The following SEMA3B variants were observed in gnomAD, a reference collection of about 807,000 sequenced individuals.
SEMA3B encodes the protein semaphorin 3B, also known as semaphorin-3B.
Under a neutral mutation model 77.8 loss-of-function variants are expected in SEMA3B, and 71 were observed. The ratio of observed to expected loss-of-function variants is 0.91; its 90% CI spans 0.75 to 1.11. The LOEUF (loss-of-function observed/expected upper bound fraction) is 1.11. Among genes scored for constraint, SEMA3B ranks in the 50% most tolerant of loss-of-function variants. SEMA3B has a pLI of 0.00. For missense variants in SEMA3B, 968 were observed against 1,056.8 expected (o/e 0.92, Z 1.17); for synonymous variants, 470 against 452.9 (o/e 1.04, Z -0.48).
chr3:50,275,519 G>A lies in SEMA3B; in HGVS notation c.1650-41G>A. ...GGCGAAGGGTCTTTCACTGCCCGGG[G>A]CTGAAAGAAGGGCTCACAGAAGATC... On this transcript the variant is annotated intron_variant, in intron 14 of 16. Coordinates refer to ENST00000616701, the MANE Select transcript of SEMA3B (RefSeq NM_001290060.2). This position sits in a 1 kb window ranked among gnomAD's most constrained non-coding sequence, Gnocchi z 7.5. 1 of 1,613,374 alleles carries A rather than the reference G, an allele frequency of 6.2e-7. No individual in the cohort carries two copies. Among genetic ancestry groups the A allele is most frequent in the Non-Finnish European group, 8.5e-7 (1 of 1,179,770 alleles).
Position 50,271,194 on chromosome 3 carries a change from G to A in SEMA3B, c.544+13G>A, listed in dbSNP as rs1553705320. The A allele has an allele frequency of 1.3e-6, 2 of 1,560,918 alleles. No individual in the cohort carries two copies. Among genetic ancestry groups the A allele is most frequent in the Non-Finnish European group, 1.7e-6 (2 of 1,152,716 alleles). ...TCCGTGCTGGTGGGTGAGTCCAAGG[G>A]CTAAGGCCCCAAGAGAACCCCTTAG... On this transcript the variant is annotated intron_variant, in intron 5 of 16. Transcript: ENST00000616701.
intron 6 of SEMA3B, 105 bp downstream of exon 6, chr3:50,271,585 A>T: frequency 6.8e-7 from 1 of 1,475,916 alleles, no homozygotes; most frequent in Non-Finnish European, 9.1e-7. Flanking sequence ...GCCAGGTCTT[A>T]CCAAATACCC....
upstream of SEMA3B, among the ~76,000 whole-genome samples, chr3:50,264,523 C>T (rs587669446): frequency 4.5e-4 from 69 of 152,310 alleles, no homozygotes; most frequent in African/African-American, 1.6e-3. Flanking sequence ...GATTCAGCCC[C>T]ACCTCCTGCT....
chr3:50,272,319 A>T (rs1319658686), intron 6 of SEMA3B, among the ~76,000 whole-genome samples: 6 of 152,186 alleles, frequency 3.9e-5, no homozygotes, highest in Admixed American at 3.3e-4. Context: ...TCACACCTGT[A>T]ATCTCAGCAC....
Position 50,273,391 on chromosome 3 carries a change from C to G in SEMA3B, c.758C>G (p.Ala253Gly). 2 of 1,613,882 alleles carry G rather than the reference C, an allele frequency of 1.2e-6. No individual in the cohort carries two copies. Among genetic ancestry groups the G allele is most frequent in the South Asian group, 1.1e-5 (1 of 91,092 alleles). ...YFFFRETAVE[A>G]APALGRLSVS... ...TTCTTTCGTGAGACGGCGGTAGAGG[C>G]GGCGCCGGCACTGGGACGCCTGTCC... Residue 253 changes from alanine to glycine, a missense_variant, in exon 7 of 17, where the codon GCG becomes GGG. Transcript: ENST00000616701. This position sits in a 1 kb window ranked among gnomAD's most constrained non-coding sequence, Gnocchi z 6.5.
Position 50,270,023 on chromosome 3 carries a change from C to A in SEMA3B, c.110-104C>A. The A allele has an allele frequency of 6.3e-6, 8 of 1,271,516 alleles. No homozygotes were observed. In the South Asian group the frequency reaches 7.7e-5, roughly 12 times the overall value. The allele number at this position is 1,271,516 out of a possible 1,614,324, so 78.8% of individuals were successfully genotyped here. A position where few individuals can be genotyped will look rare whatever the true frequency, so the allele number is the denominator to read the frequency against. ...ACATGTAAACTCACATGTGTACAGG[C>A]CAGGTCCTAATGGCAACCTTGGCCG... On this transcript the variant is annotated intron_variant, in intron 1 of 16. Coordinates refer to ENST00000616701, the MANE Select transcript of SEMA3B (RefSeq NM_001290060.2). This position sits in a 1 kb window ranked among gnomAD's most constrained non-coding sequence, Gnocchi z 4.7.
chr3:50,274,367 C>T lies in SEMA3B; in HGVS notation c.1142C>T (p.Pro381Leu). ...RVPYPRPGMCPSKTFGTFSST... is the reference protein window; with the variant it reads ...RVPYPRPGMCLSKTFGTFSST... The stretch of plus-strand genomic sequence containing the variant: ...CTCCCTTTCCCCCACCCCCAGTGCC[C>T]CAGCAAGACCTTTGGCACCTTCAGT... Residue 381 changes from proline to leucine, a missense_variant, in exon 11 of 17, where the codon CCC becomes CTC. Coordinates refer to ENST00000616701, the MANE Select transcript of SEMA3B (RefSeq NM_001290060.2). This position sits in a 1 kb window ranked among gnomAD's most constrained non-coding sequence, Gnocchi z 4.7. 6.7e-7 allele frequency: 1 copy of T among 1,494,488 alleles called. No homozygotes were observed. The highest frequency in any genetic ancestry group is 8.9e-7 in the Non-Finnish European group (1 of 1,123,208). 92.6% of individuals were successfully genotyped at this position (1,494,488 alleles called of 1,614,324 possible).
chr3:50,270,062 C>G lies in SEMA3B; in HGVS notation c.110-65C>G. 6.9e-7 allele frequency: 1 copy of G among 1,459,838 alleles called. No homozygotes were observed. Among genetic ancestry groups the G allele is most frequent in the Non-Finnish European group, 9.1e-7 (1 of 1,103,154 alleles). 90.4% of individuals were successfully genotyped at this position (1,459,838 alleles called of 1,614,324 possible). A position where few individuals can be genotyped will look rare whatever the true frequency, so the allele number is the denominator to read the frequency against. ...CAACCTTGGCCGATAGAGTCACCAC[C>G]AGGCAGGACCTGGGGGAGGCTTCCA... is the stretch of plus-strand genomic sequence containing the variant. On this transcript the variant is annotated intron_variant, in intron 1 of 16. Transcript: ENST00000616701. This position sits in a 1 kb window ranked among gnomAD's most constrained non-coding sequence, Gnocchi z 4.7.
chr3:50,264,501 C>T (rs782608102), upstream of SEMA3B, among the ~76,000 whole-genome samples: 1 of 152,162 alleles, frequency 6.6e-6, no homozygotes, highest in Non-Finnish European at 1.5e-5. Flanking sequence ...GTCGGCTAAG[C>T]GGCAGGGTAG....
chr3:50,268,145 G>T (rs1288390799), upstream of SEMA3B, among the ~76,000 whole-genome samples: 3 of 152,190 alleles, frequency 2.0e-5, no homozygotes, highest in Admixed American at 6.5e-5. Context: ...CAGGAGGCTG[G>T]GGTGCAAATG....
At position 50,276,896 on chromosome 3, in the gene SEMA3B, T is replaced by C. The variant is rs1701276516; in HGVS notation, c.*190T>C. 1 of 640,764 alleles carries C rather than the reference T, an allele frequency of 1.6e-6. No homozygotes were observed. The highest frequency in any genetic ancestry group is 2.4e-6 in the Non-Finnish European group (1 of 417,106). The allele number at this position is 640,764 out of a possible 1,614,324, so 39.7% of individuals were successfully genotyped here. On this transcript the variant is annotated 3_prime_UTR_variant, in exon 17 of 17. Transcript: ENST00000616701. This position sits in a 1 kb window ranked among gnomAD's most constrained non-coding sequence, Gnocchi z 5.8. Reference sequence around the variant, plus strand: ...TTATTAACAGGATAACCCTTGAATGTAGCAGCCCCGGGAGGGCGGCACAGG... The same window carrying C: ...TTATTAACAGGATAACCCTTGAATGCAGCAGCCCCGGGAGGGCGGCACAGG...
rs782480521 is a variant in SEMA3B at position 50,271,079 on chromosome 3, A to G, written c.451-9A>G. ...GGGCCTGGTAGTCACAACTTGCCAC[A>G]CCTCCCAGGAGCCCGTCCTCCGGCT... On this transcript the variant is annotated splice_polypyrimidine_tract_variant and intron_variant, in intron 4 of 16. Coordinates refer to ENST00000616701, the MANE Select transcript of SEMA3B (RefSeq NM_001290060.2). 2 of 1,575,700 alleles carry G rather than the reference A, an allele frequency of 1.3e-6. No homozygotes were observed.
At chr3:50,268,373 G>T (rs1426810534), upstream of SEMA3B, among the ~76,000 whole-genome samples, 1 of 152,234 alleles carries the variant, frequency 6.6e-6, no homozygotes, top group Non-Finnish European at 1.5e-5. Flanking sequence ...CATGCCCAGA[G>T]ACATGTCTAT....
chr3:50,276,398 G>C lies in SEMA3B; in HGVS notation c.1942G>C (p.Glu648Gln). The C allele has an allele frequency of 6.5e-7, 1 of 1,536,580 alleles. No homozygotes were observed. The highest frequency in any genetic ancestry group is 8.7e-7 in the Non-Finnish European group (1 of 1,145,868). The change falls in exon 17 of 17, where the codon GAG becomes CAG. Residue 648 changes from glutamate (E) to glutamine (Q), a missense_variant. Physicochemically the swap from Glu to Gln is conservative, Grantham distance 29. Transcript: ENST00000616701. This position sits in a 1 kb window ranked among gnomAD's most constrained non-coding sequence, Gnocchi z 5.8. ...DSGVYLCAAV[E>Q]QGFTQPLRRL... is the part of the protein sequence containing the mutation. ...GGGCGTGTACTTGTGCGCCGCCGTCGAGCAGGGCTTTACGCAACCGCTGCG... is the reference window on the plus strand; with the variant it reads ...GGGCGTGTACTTGTGCGCCGCCGTCCAGCAGGGCTTTACGCAACCGCTGCG...
At chr3:50,265,277 CA>C (rs1553704318), upstream of SEMA3B, among the ~76,000 whole-genome samples, 1 of 152,174 alleles carries the variant, frequency 6.6e-6, no homozygotes, top group African/African-American at 2.4e-5. Flanking sequence ...GTGGCCAGAA[CA>C]AGGAAGAGTT....
chr3:50,276,164 A>T lies in SEMA3B; in HGVS notation c.1846-138A>T. 1 of 1,196,856 alleles carries T rather than the reference A, an allele frequency of 8.4e-7. No individual in the cohort carries two copies. Among genetic ancestry groups the T allele is most frequent in the Non-Finnish European group, 1.1e-6 (1 of 891,500 alleles). 74.1% of individuals were successfully genotyped at this position (1,196,856 alleles called of 1,614,324 possible). A position where few individuals can be genotyped will look rare whatever the true frequency, so the allele number is the denominator to read the frequency against. Reference sequence around the variant, plus strand: ...CACCAGCTCCCAAACACTCAGCCTTAAAATGTGCGCCTGCGGGCACCCCTT... The same window carrying T: ...CACCAGCTCCCAAACACTCAGCCTTTAAATGTGCGCCTGCGGGCACCCCTT... On this transcript the variant is annotated intron_variant, in intron 16 of 16. Transcript: ENST00000616701. This position sits in a 1 kb window ranked among gnomAD's most constrained non-coding sequence, Gnocchi z 5.8.
Position 50,275,325 on chromosome 3 carries a change from G to C in SEMA3B, c.1515G>C (p.Arg505=). The C allele has an allele frequency of 6.3e-7, 1 of 1,577,344 alleles. No homozygotes were observed. Among genetic ancestry groups the C allele is most frequent in the Non-Finnish European group, 8.6e-7 (1 of 1,163,090 alleles). The change falls in exon 14 of 17, where the codon CGG becomes CGC. Residue 505 remains arginine (R), a synonymous_variant. Transcript: ENST00000616701. This position sits in a 1 kb window ranked among gnomAD's most constrained non-coding sequence, Gnocchi z 7.5. ...SKRHQLYVAS[R]SAVAQIALHR... is the part of the protein sequence containing the mutation. ...AGCACCAGCTGTACGTAGCCTCGCG[G>C]AGCGCGGTGGCCCAGATCGCGTTGC...
Position 50,274,732 on chromosome 3 carries a change from C to T in SEMA3B, c.1358-111C>T. 1 of 1,410,542 alleles carries T rather than the reference C, an allele frequency of 7.1e-7. No homozygotes were observed. Among genetic ancestry groups the T allele is most frequent in the South Asian group, 1.3e-5 (1 of 78,006 alleles). The allele number at this position is 1,410,542 out of a possible 1,614,324, so 87.4% of individuals were successfully genotyped here. On this transcript the variant is annotated intron_variant, in intron 11 of 16. Coordinates refer to ENST00000616701, the MANE Select transcript of SEMA3B (RefSeq NM_001290060.2). The surrounding 1 kb of genome is among the most constrained non-coding windows in gnomAD (Gnocchi z 4.7). Reference sequence around the variant, plus strand: ...CTGCCCAACCCACACTCTTCCAGTCCACACTCTTCACAACCCAAACATGCT... The same window carrying T: ...CTGCCCAACCCACACTCTTCCAGTCTACACTCTTCACAACCCAAACATGCT...
At chr3:50,271,514 G>A (rs782022885) in intron 6 of SEMA3B, 34 bp downstream of exon 6, 47 of 1,551,992 alleles carry the variant, frequency 3.0e-5, no homozygotes, top group African/African-American at 4.1e-5. Context: ...GGTAGAGGTC[G>A]TCACCCTCCC....
Sources: gnomAD v4.1 joint callset for allele counts (sites outside exome capture counted in the v4.1 genomes callset) on GRCh38, gnomAD v4.1.1 for gene constraint, Gnocchi (gnomAD v3.1) non-coding constraint, MANE v1.5 for transcripts, NCBI Gene and HGNC (gene_info 2026-07-23, HGNC 2026-07-21) for gene names.